Variants in CHRM4 observed in about 807,000 individuals in gnomAD.
CHRM4 encodes muscarinic acetylcholine receptor M4.
Under a neutral mutation model 26.3 loss-of-function variants are expected in CHRM4, and 5 were observed. That is an observed-to-expected ratio of 0.19 (90% CI 0.10 to 0.40). CHRM4 has a LOEUF of 0.40. Ranked by LOEUF, CHRM4 falls within the 10% of genes least tolerant of loss-of-function variation. CHRM4 has a pLI of 1.00. For missense variants in CHRM4, 402 were observed against 664.5 expected (o/e 0.60, Z 4.34); for synonymous variants, 290 against 285.3 (o/e 1.02, Z -0.16).
Position 46,385,470 on chromosome 11 carries a change from G to T in CHRM4, c.1088C>A (p.Thr363Lys). Residue 363 changes from threonine to lysine, a missense_variant, in exon 2 of 2, where the codon ACG becomes AAG. Thr to Lys is a moderately conservative substitution (Grantham distance 78). Transcript: ENST00000682254. The surrounding 1 kb of genome is among the most constrained non-coding windows in gnomAD (Gnocchi z 6.3). ...GGCCGCAGGGCGCATGCCAGCCGGCGTGGCAGGCACAATCTCAATGGCTGT... is the reference window on the plus strand; with the variant it reads ...GGCCGCAGGGCGCATGCCAGCCGGCTTGGCAGGCACAATCTCAATGGCTGT... Reference protein sequence around the residue: ...CVTAIEIVPATPAGMRPAANV... With the variant: ...CVTAIEIVPAKPAGMRPAANV... 1 of 1,600,684 alleles carries T rather than the reference G, an allele frequency of 6.2e-7. No individual in the cohort carries two copies. Among genetic ancestry groups the T allele is most frequent in the Non-Finnish European group, 8.6e-7 (1 of 1,169,202 alleles).
Position 46,385,606 on chromosome 11 carries a change from C to A in CHRM4, c.952G>T (p.Ala318Ser), listed in dbSNP as rs1234781787. ...RPATELSTTE[A>S]TTPAMPAPPL... ...GGGGCGGGCATGGCGGGCGTGGTGG[C>A]CTCTGTGGTGGACAGCTCTGTGGCT... is the stretch of plus-strand genomic sequence containing the variant. The change falls in exon 2 of 2, where the codon GCC (alanine) becomes TCC (serine). Residue 318 changes from alanine (A) to serine (S), a missense_variant. Around this residue, in one of 5 missense-constraint regions of CHRM4, gnomAD observed 205 missense variants for 244.0 expected, o/e 0.84. Transcript: ENST00000682254. The surrounding 1 kb of genome is among the most constrained non-coding windows in gnomAD (Gnocchi z 6.3). 1 of 1,547,498 alleles carries A rather than the reference C, an allele frequency of 6.5e-7. No individual in the cohort carries two copies. The highest frequency in any genetic ancestry group is 1.9e-5 in the Admixed American group (1 of 53,738).
At chr11:46,389,626 G>A (rs943701664) in intron 1 of CHRM4, among the ~76,000 whole-genome samples, 5 of 152,218 alleles carry the variant, frequency 3.3e-5, no homozygotes, top group African/African-American at 9.6e-5. Flanking sequence ...GCCGCCGTTG[G>A]CCACCGCCCC....
intron 1 of CHRM4, among the ~76,000 whole-genome samples, chr11:46,389,642 CCA>C (rs1387341509): frequency 6.6e-6 from 1 of 152,224 alleles, no homozygotes; most frequent in African/African-American, 2.4e-5. Context: ...GCCCCCAACT[CCA>C]ATGCGACTGC....
Position 46,386,623 on chromosome 11 carries a change from G to A in CHRM4, c.-29-37C>T, listed in dbSNP as rs1945344010. The A allele has an allele frequency of 1.9e-6, 3 of 1,565,684 alleles. No homozygotes were observed. The highest frequency in any genetic ancestry group is 2.6e-6 in the Non-Finnish European group (3 of 1,150,352). Reference sequence around the variant, plus strand: ...GGGGAGAGAAAAGCATGAACTACAGGAGGGAATGGGGGAGTCATCTGGAGG... The same window carrying A: ...GGGGAGAGAAAAGCATGAACTACAGAAGGGAATGGGGGAGTCATCTGGAGG... On this transcript the variant is annotated intron_variant, in intron 1 of 1. Transcript: ENST00000682254. This position sits in a 1 kb window ranked among gnomAD's most constrained non-coding sequence, Gnocchi z 5.8.
Position 46,386,898 on chromosome 11 carries a change from A to G in CHRM4, c.-29-312T>C, listed in dbSNP as rs1945346920. ...GCAGGGTGATGAGAGAGTGAGTCAG[A>G]AGGCAGGACAGGCATGACTCCTTGC... On this transcript the variant is annotated intron_variant, in intron 1 of 1. Transcript: ENST00000682254. This position sits in a 1 kb window ranked among gnomAD's most constrained non-coding sequence, Gnocchi z 5.8. Among the ~76,000 whole-genome samples, 1 of 152,236 alleles carries G rather than the reference A, an allele frequency of 6.6e-6. No homozygotes were observed. The highest frequency in any genetic ancestry group is 6.5e-5 in the Admixed American group (1 of 15,290).
chr11:46,389,859 C>T (rs1945375956), intron 1 of CHRM4, among the ~76,000 whole-genome samples: 1 of 152,186 alleles, frequency 6.6e-6, no homozygotes. Flanking sequence ...TTGTGTGTGC[C>T]TACGGGGGAG....
At chr11:46,388,844 C>T (rs148386928) in intron 1 of CHRM4, among the ~76,000 whole-genome samples, 6 of 152,334 alleles carry the variant, frequency 3.9e-5, no homozygotes, top group African/African-American at 1.4e-4. Context: ...CCTCCCAAGG[C>T]AGGATACAGG....
Position 46,386,362 on chromosome 11 carries a change from C to T in CHRM4, c.196G>A (p.Val66Ile), listed in dbSNP as rs1945341003. The change falls in exon 2 of 2, where the codon GTC becomes ATC. Residue 66 changes from valine (V) to isoleucine (I), a missense_variant. Coordinates refer to ENST00000682254, the MANE Select transcript of CHRM4 (RefSeq NM_000741.5). This position sits in a 1 kb window ranked among gnomAD's most constrained non-coding sequence, Gnocchi z 5.8. Reference protein sequence around the residue: ...SIKVNRQLQTVNNYFLFSLAC... With the variant: ...SIKVNRQLQTINNYFLFSLAC... ...AGGCTGAAGAGGAAGTAGTTGTTGA[C>T]TGTCTGCAGCTGCCTGTTGACCTTG... The T allele has an allele frequency of 6.2e-7, 1 of 1,614,044 alleles. No individual in the cohort carries two copies.
intron 1 of CHRM4, among the ~76,000 whole-genome samples, chr11:46,390,396 G>A (rs1231173888): frequency 6.6e-6 from 1 of 152,244 alleles, no homozygotes; most frequent in East Asian, 1.9e-4. Flanking sequence ...CTGGCCTTGA[G>A]GGACACCAGG....
rs200571918 is a variant in CHRM4, at chr11:46,385,512, G to C, written c.1046C>G (p.Thr349Arg). ...WSKIQIVTKQ[T>R]GNECVTAIEI... The stretch of plus-strand genomic sequence containing the variant: ...AATGGCTGTCACACACTCATTGCCT[G>C]TCTGCTTCGTCACAATCTGGATCTT... The change falls in exon 2 of 2, where the codon ACA becomes AGA. Residue 349 changes from threonine to arginine, a missense_variant. Thr to Arg is a moderately conservative substitution (Grantham distance 71, BLOSUM62 -1). Coordinates refer to ENST00000682254, the MANE Select transcript of CHRM4 (RefSeq NM_000741.5). The surrounding 1 kb of genome is among the most constrained non-coding windows in gnomAD (Gnocchi z 6.3). The C allele has an allele frequency of 2.5e-5, 39 of 1,586,058 alleles. No individual in the cohort carries two copies. The highest frequency in any genetic ancestry group is 3.3e-5 in the Non-Finnish European group (38 of 1,159,320).
Position 46,386,990 on chromosome 11 carries a change from T to C in CHRM4, c.-29-404A>G, listed in dbSNP as rs1379233515. Among the ~76,000 whole-genome samples, 2 of 143,108 alleles carry C rather than the reference T, an allele frequency of 1.4e-5. No homozygotes were observed. Among genetic ancestry groups the C allele is most frequent in the Non-Finnish European group, 1.6e-5 (1 of 62,412 alleles). 93.9% of individuals were successfully genotyped at this position (143,108 alleles called of 152,430 possible). ...CAGCCACAGGAGGAGCTGTGGAGAG[T>C]GGCCCTGCCAGGGGCAGTAGCCACA... On this transcript the variant is annotated intron_variant, in intron 1 of 1. Coordinates refer to ENST00000682254, the MANE Select transcript of CHRM4 (RefSeq NM_000741.5). This position sits in a 1 kb window ranked among gnomAD's most constrained non-coding sequence, Gnocchi z 5.8.
Position 46,385,869 on chromosome 11 carries a change from C to A in CHRM4, c.689G>T (p.Arg230Leu). ...LASRSRVHKH[R>L]PEGPKEKKAK... ...TTTCTTCTCCTTCGGGCCCTCGGGC[C>A]GGTGCTTGTGGACTCGGCTGCGACT... is the stretch of plus-strand genomic sequence containing the variant. Residue 230 changes from arginine (R) to leucine (L), a missense_variant, in exon 2 of 2, where the codon CGG (arginine) becomes CTG (leucine). Transcript: ENST00000682254. This position sits in a 1 kb window ranked among gnomAD's most constrained non-coding sequence, Gnocchi z 6.3. The A allele has an allele frequency of 6.2e-7, 1 of 1,609,080 alleles. No individual in the cohort carries two copies. Among genetic ancestry groups the A allele is most frequent in the Non-Finnish European group, 8.5e-7 (1 of 1,178,036 alleles).
intron 1 of CHRM4, among the ~76,000 whole-genome samples, chr11:46,390,611 G>C (rs747608411): frequency 6.6e-6 from 1 of 152,246 alleles, no homozygotes; most frequent in African/African-American, 2.4e-5. Flanking sequence ...CCAAAGTGGG[G>C]ACCCAGTTTC....
Position 46,386,463 on chromosome 11 carries a change from A to G in CHRM4, c.95T>C (p.Met32Thr). 6.2e-7 allele frequency: 1 copy of G among 1,613,796 alleles called. No homozygotes were observed. Among genetic ancestry groups the G allele is most frequent in the Non-Finnish European group, 8.5e-7 (1 of 1,179,880 alleles). The stretch of plus-strand genomic sequence containing the variant: ...GCCTGTCACTGTGGCAATGAAGACC[A>G]TTTCCACCGTCTCATAGCGATTGTG... ...SSHNRYETVE[M>T]VFIATVTGSL... Residue 32 changes from methionine to threonine, a missense_variant, in exon 2 of 2, where the codon ATG becomes ACG. Around this residue, in one of 5 missense-constraint regions of CHRM4, gnomAD observed 92 missense variants for 133.1 expected, o/e 0.69. Coordinates refer to ENST00000682254, the MANE Select transcript of CHRM4 (RefSeq NM_000741.5). The surrounding 1 kb of genome is among the most constrained non-coding windows in gnomAD (Gnocchi z 5.8).
At position 46,385,435 on chromosome 11, in the gene CHRM4, G is replaced by A. The variant is rs769549870; in HGVS notation, c.1123C>T (p.Arg375Cys). The change falls in exon 2 of 2, where the codon CGC (arginine) becomes TGC (cysteine). Residue 375 changes from arginine to cysteine, a missense_variant. Physicochemically the swap from Arg to Cys is radical, Grantham distance 180 (BLOSUM62 -3). Around this residue, in one of 5 missense-constraint regions of CHRM4, gnomAD observed 205 missense variants for 244.0 expected, o/e 0.84. Transcript: ENST00000682254. The surrounding 1 kb of genome is among the most constrained non-coding windows in gnomAD (Gnocchi z 6.3). ...AGMRPAANVARKFASIARNQV... is the reference protein window; with the variant it reads ...AGMRPAANVACKFASIARNQV... ...TTGCGAGCGATGCTGGCGAACTTGC[G>A]GGCCACGTTGGCCGCAGGGCGCATG... 4 of 1,607,504 alleles carry A rather than the reference G, an allele frequency of 2.5e-6. No individual in the cohort carries two copies. The highest frequency in any genetic ancestry group is 1.7e-5 in the Admixed American group (1 of 59,884).
chr11:46,388,020 C>A (rs1945358848), intron 1 of CHRM4, among the ~76,000 whole-genome samples: 4 of 152,232 alleles, frequency 2.6e-5, no homozygotes, highest in Admixed American at 2.6e-4. Flanking sequence ...CTCCCTCCCA[C>A]CAGGCTCCTC....
In CHRM4 at chr11:46,386,490, G is replaced by A; in HGVS notation, c.68C>T (p.Ser23Phe). The A allele has an allele frequency of 6.2e-7, 1 of 1,613,676 alleles. No homozygotes were observed. The highest frequency in any genetic ancestry group is 8.5e-7 in the Non-Finnish European group (1 of 1,179,890). Residue 23 changes from serine to phenylalanine, a missense_variant, in exon 2 of 2, where the codon TCC becomes TTC. Physicochemically the swap from Ser to Phe is radical, Grantham distance 155 (BLOSUM62 -2). This residue lies in a region of CHRM4 where 92 missense variants were observed against 133.1 expected (regional missense o/e 0.69). Transcript: ENST00000682254. This position sits in a 1 kb window ranked among gnomAD's most constrained non-coding sequence, Gnocchi z 5.8. ...TTCCACCGTCTCATAGCGATTGTGG[G>A]ATGATGACGTGACCAGGCGCACGGA... Reference protein sequence around the residue: ...NQSVRLVTSSSHNRYETVEMV... With the variant: ...NQSVRLVTSSFHNRYETVEMV...
intron 1 of CHRM4, among the ~76,000 whole-genome samples, chr11:46,388,973 G>A (rs926873273): frequency 3.3e-5 from 5 of 152,196 alleles, no homozygotes; most frequent in African/African-American, 1.2e-4. Context: ...TAGATTATCT[G>A]GTTTAATCCT....
rs1208494009 is a variant in CHRM4, at chr11:46,386,923, C to T, written c.-29-337G>A. ...AAGGCAGGACAGGCATGACTCCTTG[C>T]TAGGTGGCCTCACCCACCAGGTCAT... On this transcript the variant is annotated intron_variant, in intron 1 of 1. Coordinates refer to ENST00000682254, the MANE Select transcript of CHRM4 (RefSeq NM_000741.5). This position sits in a 1 kb window ranked among gnomAD's most constrained non-coding sequence, Gnocchi z 5.8. Among the ~76,000 whole-genome samples, 1 of 152,198 alleles carries T rather than the reference C, an allele frequency of 6.6e-6. No homozygotes were observed. Among genetic ancestry groups the T allele is most frequent in the Non-Finnish European group, 1.5e-5 (1 of 68,032 alleles).
Sources: gnomAD v4.1 joint callset for allele counts (sites outside exome capture counted in the v4.1 genomes callset) on GRCh38, gnomAD v4.1.1 for gene constraint, gnomAD v4.1.1 regional missense constraint, Gnocchi (gnomAD v3.1) non-coding constraint, MANE v1.5 for transcripts, NCBI Gene and HGNC (gene_info 2026-07-23, HGNC 2026-07-21) for gene names.